CDH2: variants seen among roughly 807,000 people sequenced by gnomAD.
CDH2 encodes the protein cadherin 2.
Under a neutral mutation model 92.0 loss-of-function variants are expected in CDH2, and 17 were observed. That is an observed-to-expected ratio of 0.18 (90% CI 0.13 to 0.28). The LOEUF is 0.28. Ranked by LOEUF, CDH2 falls within the 10% of genes least tolerant of loss-of-function variation. The pLI is 1.00. For missense variants in CDH2, 862 were observed against 1,133.1 expected (o/e 0.76, Z 3.44); for synonymous variants, 419 against 415.9 (o/e 1.01, Z -0.09).
intron 5 of CDH2, among the ~76,000 whole-genome samples, chr18:28,007,383 T>TAA (rs2012968523): frequency 4.0e-5 from 6 of 151,806 alleles, no homozygotes; most frequent in Admixed American, 3.9e-4. Flanking sequence ...AGTGCTCCTT[T>TAA]AATTGTTTCT....
intron 2 of CDH2, among the ~76,000 whole-genome samples, chr18:28,035,465 G>A (rs2013802499): frequency 6.6e-6 from 1 of 151,784 alleles, no homozygotes; most frequent in Non-Finnish European, 1.5e-5. Context: ...AAATTAATGA[G>A]GTTAACCTTC....
At chr18:28,030,447 A>T (rs1195701177) in intron 2 of CDH2, among the ~76,000 whole-genome samples, 1 of 152,098 alleles carries the variant, frequency 6.6e-6, no homozygotes, top group Admixed American at 6.6e-5. Context: ...CAGAACTATC[A>T]CCTTGTTCAA....
intron 2 of CDH2, chr18:28,045,566 T>A (rs2014058212): frequency 1.6e-5 from 6 of 376,922 alleles, no homozygotes; most frequent in African/African-American, 4.2e-5. Flanking sequence ...GCCTTGCTCA[T>A]GCTAGCCTAT....
chr18:27,978,325 A>G (rs1391363845), intron 14 of CDH2, among the ~76,000 whole-genome samples: 1 of 152,210 alleles, frequency 6.6e-6, no homozygotes, highest in African/African-American at 2.4e-5. Context: ...ACAGTAATCG[A>G]AACAACATGG....
intron 10 of CDH2, 58 bp from the exon 11 acceptor site, chr18:27,988,724 T>C (rs2012316353): frequency 7.4e-7 from 1 of 1,344,686 alleles, no homozygotes; most frequent in African/African-American, 1.5e-5. Flanking sequence ...AAACATATTT[T>C]ACAGGTTTAG....
intron 5 of CDH2, among the ~76,000 whole-genome samples, chr18:28,006,270 G>T (rs1296176648): frequency 6.6e-6 from 1 of 152,094 alleles, no homozygotes; most frequent in African/African-American, 2.4e-5. Context: ...GAAATTTTCA[G>T]CATTTGAAGA....
intron 14 of CDH2, among the ~76,000 whole-genome samples, chr18:27,966,871 G>A (rs928456714): frequency 6.6e-5 from 10 of 151,966 alleles, no homozygotes; most frequent in African/African-American, 2.4e-4. Context: ...CTTATAGAAA[G>A]TTCCCACTAA....
chr18:27,987,189 T>G (rs577423237), intron 11 of CDH2, among the ~76,000 whole-genome samples: 1 of 152,316 alleles, frequency 6.6e-6, no homozygotes, highest in South Asian at 2.1e-4. Flanking sequence ...TCTTTAGATC[T>G]TAACATAATG....
chr18:28,152,636 G>C (rs2016142367), intron 1 of CDH2, among the ~76,000 whole-genome samples: 1 of 152,246 alleles, frequency 6.6e-6, no homozygotes, highest in African/African-American at 2.4e-5. Context: ...GTCAAAAGTT[G>C]AGGCTGGAGA....
chr18:28,163,633 A>G (rs1293466753), intron 1 of CDH2, among the ~76,000 whole-genome samples: 1 of 152,236 alleles, frequency 6.6e-6, no homozygotes, highest in African/African-American at 2.4e-5. Context: ...TAAACCAAAT[A>G]AGTAAATTGT....
chr18:28,015,980 C>A (rs193205769), intron 2 of CDH2, among the ~76,000 whole-genome samples: 55 of 152,308 alleles, frequency 3.6e-4, no homozygotes, highest in African/African-American at 1.3e-3. Context: ...GCTGCTCCAC[C>A]CCACAGGCTC....
intron 1 of CDH2, among the ~76,000 whole-genome samples, chr18:28,172,293 A>G (rs1396429488): frequency 1.3e-5 from 2 of 152,162 alleles, no homozygotes; most frequent in Non-Finnish European, 2.9e-5. Flanking sequence ...AAAAAGTCCC[A>G]TTTAGCTTGT....
intron 2 of CDH2, among the ~76,000 whole-genome samples, chr18:28,093,749 C>A (rs566240521): frequency 2.0e-5 from 3 of 152,262 alleles, no homozygotes; most frequent in Non-Finnish European, 2.9e-5. Context: ...TACTGAAAAA[C>A]TAAAACTTGA....
At chr18:28,140,191 A>T (rs1405222455) in intron 2 of CDH2, among the ~76,000 whole-genome samples, 2 of 152,072 alleles carry the variant, frequency 1.3e-5, no homozygotes, top group Non-Finnish European at 2.9e-5. Flanking sequence ...TGAGTGTTTT[A>T]AAACCATACA....
chr18:28,149,149 T>C (rs1305536396), intron 1 of CDH2, among the ~76,000 whole-genome samples: 1 of 152,174 alleles, frequency 6.6e-6, no homozygotes, highest in Non-Finnish European at 1.5e-5. Flanking sequence ...TGGCAAACTC[T>C]AGTAAAGATG....
intron 15 of CDH2, among the ~76,000 whole-genome samples, chr18:27,955,819 A>G (rs2011234289): frequency 7.1e-6 from 1 of 141,506 alleles, no homozygotes; most frequent in Admixed American, 7.6e-5. Flanking sequence ...GAGAGAGACC[A>G]CTGTGCTATG....
chr18:28,160,745 A>G (rs2016294788), intron 1 of CDH2, among the ~76,000 whole-genome samples: 1 of 152,174 alleles, frequency 6.6e-6, no homozygotes. Context: ...GATCCAAGGG[A>G]GACGAAGGGA....
intron 7 of CDH2, among the ~76,000 whole-genome samples, chr18:27,993,978 G>C (rs182564306): frequency 4.0e-4 from 61 of 152,282 alleles, no homozygotes; most frequent in Admixed American, 7.2e-4. Context: ...CATTTGGTTC[G>C]TATTTACTTT....
At chr18:27,955,415 TAAAAA>T (rs757894669) in intron 15 of CDH2, among the ~76,000 whole-genome samples, 1 of 116,034 alleles carries the variant, frequency 8.6e-6, no homozygotes, top group African/African-American at 3.1e-5. Flanking sequence ...AATGACAAGT[TAAAAA>T]AAAAAAAAAA....
Sources: gnomAD v4.1 joint callset for allele counts (sites outside exome capture counted in the v4.1 genomes callset) on GRCh38, gnomAD v4.1.1 for gene constraint, MANE v1.5 for transcripts, NCBI Gene and HGNC (gene_info 2026-07-23, HGNC 2026-07-21) for gene names.